The following NRG3 variants were observed in gnomAD, a reference collection of about 807,000 sequenced individuals.
NRG3 encodes pro-neuregulin-3, membrane-bound isoform.
A neutral mutation model predicts 66.9 loss-of-function variants in NRG3; 31 were observed. The ratio of observed to expected loss-of-function variants is 0.46; its 90% CI spans 0.35 to 0.63. The LOEUF is 0.63. Ranked by LOEUF, NRG3 falls within the 20% of genes least tolerant of loss-of-function variation. The probability of loss-of-function intolerance (pLI) is 0.00; values close to 1 mark genes in which losing one functional copy is unlikely to be tolerated. For synonymous variants in NRG3, 393 were observed against 359.4 expected, an observed-to-expected ratio of 1.09 and a Z score of -1.06; for missense variants, 910 against 878.9, an observed-to-expected ratio of 1.04 and a Z score of -0.45.
At chr10:82,600,944 G>A (rs1472259955) in intron 2 of NRG3, among the ~76,000 whole-genome samples, 1 of 151,962 alleles carries the variant, frequency 6.6e-6, no homozygotes, top group African/African-American at 2.4e-5. Flanking sequence ...CCCCACATCT[G>A]CCTCCCACCC....
rs116247971 is a variant in NRG3 at position 82,790,957 on chromosome 10, C to T, written c.1027+52307C>T. ...TAATTTCTATATAATTATTAATATT[C>T]TCTGTTTAAGGTATTATTCTCATAT... On this transcript the variant is annotated intron_variant, in intron 3 of 8. Coordinates refer to ENST00000372141, the MANE Select transcript of NRG3 (RefSeq NM_001010848.4). Among the ~76,000 whole-genome samples the T allele has an allele frequency of 6.9e-3, 1,045 of 151,156 alleles. 13 individuals carry two copies. The highest frequency in any genetic ancestry group is 0.024 in the African/African-American group (1,007 of 41,290).
intron 2 of NRG3, among the ~76,000 whole-genome samples, chr10:82,376,048 T>A (rs2085209235): frequency 6.6e-6 from 1 of 152,198 alleles, no homozygotes; most frequent in Non-Finnish European, 1.5e-5. Context: ...CCTCACAGAC[T>A]GGCTATCTAC....
At chr10:82,036,186 G>A (rs2062783240) in intron 1 of NRG3, among the ~76,000 whole-genome samples, 1 of 152,056 alleles carries the variant, frequency 6.6e-6, no homozygotes, top group Non-Finnish European at 1.5e-5. Flanking sequence ...TTATTAAGAG[G>A]AGGTAAGAAC....
chr10:82,460,187 A>G (rs1366402398), intron 2 of NRG3, among the ~76,000 whole-genome samples: 1 of 152,184 alleles, frequency 6.6e-6, no homozygotes, highest in African/African-American at 2.4e-5. Flanking sequence ...ACATCAAGAT[A>G]TGTTTTGAGG....
chr10:82,313,407 T>A (rs919836716), intron 1 of NRG3, among the ~76,000 whole-genome samples: 1 of 152,136 alleles, frequency 6.6e-6, no homozygotes, highest in African/African-American at 2.4e-5. Context: ...TTGTTGCGAT[T>A]ATCATTATGA....
At chr10:82,100,771 A>T (rs2066681902) in intron 1 of NRG3, among the ~76,000 whole-genome samples, 1 of 151,864 alleles carries the variant, frequency 6.6e-6, no homozygotes, top group African/African-American at 2.4e-5. Context: ...TGGTTTTCTA[A>T]TATTTTTTGT....
chr10:82,689,931 G>C (rs1214272977), intron 2 of NRG3, among the ~76,000 whole-genome samples: 1 of 151,962 alleles, frequency 6.6e-6, no homozygotes, highest in Non-Finnish European at 1.5e-5. Flanking sequence ...TGCCAAACTG[G>C]GGTAAATGAA....
chr10:82,248,720 G>A (rs2077355954), intron 1 of NRG3, among the ~76,000 whole-genome samples: 1 of 152,186 alleles, frequency 6.6e-6, no homozygotes, highest in Admixed American at 6.5e-5. Context: ...ATCATTTTAA[G>A]TGGTCTCCCT....
chr10:82,408,283 C>T (rs1015510409), intron 2 of NRG3, among the ~76,000 whole-genome samples: 1 of 152,036 alleles, frequency 6.6e-6, no homozygotes, highest in Non-Finnish European at 1.5e-5. Context: ...GAGTATACAT[C>T]GTGTAATCAA....
chr10:82,132,578 C>T (rs753847090), intron 1 of NRG3, among the ~76,000 whole-genome samples: 7 of 76,712 alleles, frequency 9.1e-5, no homozygotes, highest in Admixed American at 3.0e-4. Flanking sequence ...CAGAGTAATA[C>T]GGGCCTAATA....
At chr10:81,926,533 T>G (rs1846805680) in intron 1 of NRG3, among the ~76,000 whole-genome samples, 1 of 152,204 alleles carries the variant, frequency 6.6e-6, no homozygotes, top group Admixed American at 6.5e-5. Flanking sequence ...AATTTTTATT[T>G]TTTTTTAAGG....
intron 2 of NRG3, among the ~76,000 whole-genome samples, chr10:82,631,666 A>G (rs1430335735): frequency 6.7e-6 from 1 of 148,272 alleles, no homozygotes; most frequent in Non-Finnish European, 1.5e-5. Context: ...TTTTGATCTC[A>G]TGTTCTCATA....
intron 2 of NRG3, among the ~76,000 whole-genome samples, chr10:82,389,240 T>G (rs1215517193): frequency 6.6e-6 from 1 of 152,154 alleles, no homozygotes; most frequent in Non-Finnish European, 1.5e-5. Flanking sequence ...AACTCGCAAA[T>G]TTCTGCTTTG....
intron 2 of NRG3, among the ~76,000 whole-genome samples, chr10:82,692,088 C>T (rs570334029): frequency 2.6e-4 from 39 of 150,906 alleles, no homozygotes; most frequent in Non-Finnish European, 4.6e-4. Context: ...CATGGCAAAA[C>T]CCCCTCTCTA....
intron 3 of NRG3, among the ~76,000 whole-genome samples, chr10:82,813,713 T>C (rs749703683): frequency 6.6e-6 from 1 of 152,248 alleles, no homozygotes; most frequent in Non-Finnish European, 1.5e-5. Context: ...GTCTCATTTA[T>C]ATTCATTCTC....
chr10:82,273,735 G>A (rs1357373536), intron 1 of NRG3, among the ~76,000 whole-genome samples: 2 of 151,952 alleles, frequency 1.3e-5, no homozygotes, highest in Non-Finnish European at 2.9e-5. Flanking sequence ...ATTAAGGAAA[G>A]CATTTAAATA....
intron 1 of NRG3, among the ~76,000 whole-genome samples, chr10:82,300,626 C>T (rs1486314863): frequency 1.3e-5 from 2 of 152,186 alleles, no homozygotes; most frequent in East Asian, 1.9e-4. Flanking sequence ...CCCTGTTTGC[C>T]GTCACCACAA....
intron 2 of NRG3, among the ~76,000 whole-genome samples, chr10:82,580,930 TGTG>T: frequency 6.7e-6 from 1 of 148,572 alleles, no homozygotes; most frequent in Non-Finnish European, 1.5e-5. Context: ...TGTGTGTGTG[TGTG>T]TGTGTACATA....
At chr10:82,620,408 G>T (rs1473470813) in intron 2 of NRG3, among the ~76,000 whole-genome samples, 1 of 152,144 alleles carries the variant, frequency 6.6e-6, no homozygotes, top group African/African-American at 2.4e-5. Flanking sequence ...GCAGAGAGGG[G>T]AGCTGGAGAG....
Sources: allele counts gnomAD v4.1 joint callset (sites outside exome capture counted in the v4.1 genomes callset), GRCh38; gene constraint gnomAD v4.1.1; transcripts MANE v1.5; gene names NCBI Gene and HGNC (gene_info 2026-07-23, HGNC 2026-07-21).